Variants in CRPPA observed in about 807,000 individuals in gnomAD.
The protein encoded by CRPPA is CDP-L-ribitol pyrophosphorylase A, also known as D-ribitol-5-phosphate cytidylyltransferase.
A neutral mutation model predicts 52.0 loss-of-function variants in CRPPA; 43 were observed. That is an observed-to-expected ratio of 0.83 (90% CI 0.65 to 1.07). CRPPA has a LOEUF of 1.07. Ranked by LOEUF, CRPPA falls within the 50% of genes least tolerant of loss-of-function variation. The pLI is 0.00. For missense variants in CRPPA, 629 were observed against 551.7 expected (o/e 1.14, Z -1.40); for synonymous variants, 250 against 203.5 (o/e 1.23, Z -1.94).
intron 9 of CRPPA, among the ~76,000 whole-genome samples, chr7:16,121,568 G>A (rs556462354): frequency 9.9e-5 from 15 of 152,102 alleles, no homozygotes; most frequent in South Asian, 4.1e-4. Context: ...AGAAGTAAGC[G>A]TTCTTTTTTA....
At chr7:16,322,149 C>T (rs1785278979) in intron 3 of CRPPA, among the ~76,000 whole-genome samples, 1 of 151,978 alleles carries the variant, frequency 6.6e-6, no homozygotes, top group Non-Finnish European at 1.5e-5. Context: ...ATATATTACC[C>T]CTCAAAAATG....
chr7:16,420,936 C>G (rs913885249), intron 1 of CRPPA, 130 bp downstream of exon 1: 2 of 815,912 alleles, frequency 2.5e-6, no homozygotes, highest in African/African-American at 3.6e-5. Context: ...GGGAACAGAG[C>G]TCAAGCTTGA....
intron 3 of CRPPA, among the ~76,000 whole-genome samples, chr7:16,347,606 C>T (rs565010931): frequency 2.0e-5 from 3 of 152,174 alleles, no homozygotes; most frequent in Non-Finnish European, 4.4e-5. Flanking sequence ...CACCCATAGA[C>T]CCAGTGAATA....
rs1019916423 is a variant in CRPPA at position 16,222,784 on chromosome 7, G to A, written c.1120-6587C>T. Among the ~76,000 whole-genome samples the A allele has an allele frequency of 2.0e-5, 3 of 152,012 alleles. No homozygotes were observed. The South Asian group carries it at 6.2e-4, about 32-fold the overall frequency. On this transcript the variant is annotated intron_variant, in intron 8 of 9. Transcript: ENST00000407010. ...AGGTTTTTCCTGAAAGTATTCTACT[G>A]ATCATTTTTAAAACATTTTAAAAAT...
intron 5 of CRPPA, among the ~76,000 whole-genome samples, chr7:16,287,540 C>T (rs183174635): frequency 5.3e-5 from 8 of 152,176 alleles, no homozygotes; most frequent in African/African-American, 1.7e-4. Context: ...TACCTCAGAA[C>T]GTAACTTTAT....
intron 8 of CRPPA, among the ~76,000 whole-genome samples, chr7:16,257,831 GT>G (rs1173328834): frequency 6.6e-6 from 1 of 152,070 alleles, no homozygotes; most frequent in Non-Finnish European, 1.5e-5. Context: ...CTGCTATATA[GT>G]TTAATGGGCT....
Position 16,089,353 on chromosome 7 carries a change from T to C in CRPPA, c.*2342A>G. On this transcript the variant is annotated 3_prime_UTR_variant, in exon 10 of 10. Coordinates refer to ENST00000407010, the MANE Select transcript of CRPPA (RefSeq NM_001101426.4). Reference sequence around the variant, plus strand: ...ATATATGTGTGTATGCGTACGTATATACATACATACATGCATGTACATATA... The same window carrying C: ...ATATATGTGTGTATGCGTACGTATACACATACATACATGCATGTACATATA... The C allele has an allele frequency of 3.2e-6, 1 of 317,240 alleles. No individual in the cohort carries two copies. The highest frequency in any genetic ancestry group is 6.8e-6 in the Non-Finnish European group (1 of 146,212). The allele number at this position is 317,240 out of a possible 1,614,324, so 19.7% of individuals were successfully genotyped here. A position where few individuals can be genotyped will look rare whatever the true frequency, so the allele number is the denominator to read the frequency against.
intron 3 of CRPPA, among the ~76,000 whole-genome samples, chr7:16,333,883 C>A (rs1448867363): frequency 6.6e-6 from 1 of 152,126 alleles, no homozygotes; most frequent in African/African-American, 2.4e-5. Context: ...GACTATACTA[C>A]CACTGCCCCA....
intron 8 of CRPPA, among the ~76,000 whole-genome samples, chr7:16,246,069 G>A (rs1258495541): frequency 6.6e-6 from 1 of 152,010 alleles, no homozygotes; most frequent in Non-Finnish European, 1.5e-5. Flanking sequence ...TCTGTAGAAT[G>A]GGATACTGTT....
intron 9 of CRPPA, among the ~76,000 whole-genome samples, chr7:16,197,036 A>T (rs1332449200): frequency 6.6e-6 from 1 of 151,994 alleles, no homozygotes; most frequent in Non-Finnish European, 1.5e-5. Context: ...AGAAAAAGCT[A>T]TCTACCCAAA....
chr7:16,318,580 G>C (rs1785195244), intron 3 of CRPPA, among the ~76,000 whole-genome samples: 1 of 152,118 alleles, frequency 6.6e-6, no homozygotes, highest in Non-Finnish European at 1.5e-5. Context: ...TTGTATCATG[G>C]CTGAGGTAAC....
chr7:16,360,017 C>T (rs1392896709), intron 3 of CRPPA, among the ~76,000 whole-genome samples: 1 of 152,142 alleles, frequency 6.6e-6, no homozygotes, highest in Non-Finnish European at 1.5e-5. Flanking sequence ...TATTTTTTGT[C>T]TCCTGTTGTT....
chr7:16,303,876 G>C (rs2128423695), intron 4 of CRPPA, among the ~76,000 whole-genome samples: 1 of 152,222 alleles, frequency 6.6e-6, no homozygotes, highest in Non-Finnish European at 1.5e-5. Flanking sequence ...ATCCTCAAAA[G>C]TCATTCATTC....
intron 6 of CRPPA, among the ~76,000 whole-genome samples, chr7:16,259,654 G>GCTTTCTATCATCTATCTATCTA: frequency 1.3e-5 from 2 of 151,938 alleles, no homozygotes; most frequent in East Asian, 3.9e-4. Context: ...CTTCTTTTAA[G>GCTTTCTATCATCTATCTATCTA]ATTTTTCTAT....
At chr7:16,252,136 C>G (rs1020606815) in intron 8 of CRPPA, among the ~76,000 whole-genome samples, 3 of 152,030 alleles carry the variant, frequency 2.0e-5, no homozygotes, top group Non-Finnish European at 4.4e-5. Flanking sequence ...TGTTGAACAT[C>G]GATGTGAAAA....
intron 1 of CRPPA, among the ~76,000 whole-genome samples, chr7:16,408,390 G>T (rs918996868): frequency 6.6e-6 from 1 of 152,150 alleles, no homozygotes; most frequent in Admixed American, 6.6e-5. Context: ...AGAGAGGACT[G>T]GTCCAAGTAA....
chr7:16,194,685 G>C (rs1038355673), intron 9 of CRPPA, among the ~76,000 whole-genome samples: 13 of 152,074 alleles, frequency 8.5e-5, no homozygotes, highest in African/African-American at 3.1e-4. Context: ...TTGAATTGCA[G>C]TGTATAAATT....
Position 16,419,177 on chromosome 7 carries a change from G to A in CRPPA, c.257+1889C>T, listed in dbSNP as rs544364187. The stretch of plus-strand genomic sequence containing the variant: ...TTTGAGTTTCAGATGTAATCATTGG[G>A]CAGATTACCTAAATCAGTGATTATG... On this transcript the variant is annotated intron_variant, in intron 1 of 9. Coordinates refer to ENST00000407010, the MANE Select transcript of CRPPA (RefSeq NM_001101426.4). 2.0e-3 allele frequency among the ~76,000 whole-genome samples: 307 copies of A among 152,296 alleles called. 6 individuals carry two copies. Among genetic ancestry groups the A allele is most frequent in the Non-Finnish European group, 5.3e-4 (36 of 68,024 alleles).
chr7:16,409,912 T>A (rs1788038556), intron 1 of CRPPA, among the ~76,000 whole-genome samples: 1 of 152,200 alleles, frequency 6.6e-6, no homozygotes, highest in Non-Finnish European at 1.5e-5. Context: ...CACCTAACTC[T>A]TAGTGGGTGC....
Sources: gnomAD v4.1 joint callset for allele counts (sites outside exome capture counted in the v4.1 genomes callset) on GRCh38, gnomAD v4.1.1 for gene constraint, MANE v1.5 for transcripts, NCBI Gene and HGNC (gene_info 2026-07-23, HGNC 2026-07-21) for gene names.